EDIL3: variants seen among roughly 807,000 people sequenced by gnomAD.
The protein encoded by EDIL3 is EGF like and discoidin domains 3, also known as EGF-like repeat and discoidin I-like domain-containing protein 3.
Under a neutral mutation model 67.4 loss-of-function variants are expected in EDIL3, and 37 were observed. The ratio of observed to expected loss-of-function variants is 0.55; its 90% CI spans 0.42 to 0.72. The LOEUF (loss-of-function observed/expected upper bound fraction) is 0.72, where lower values mean the gene tolerates loss of function less well. EDIL3 is among the 30% of genes least tolerant of loss of function. The pLI is 0.00. For synonymous variants in EDIL3, 195 were observed against 196.3 expected (o/e 0.99, Z 0.05); for missense variants, 527 against 586.3 (o/e 0.90, Z 1.04).
In EDIL3 at chr5:84,149,607, A is replaced by T. The variant is rs1159018142; in HGVS notation, c.356-12253T>A. 3.9e-5 allele frequency among the ~76,000 whole-genome samples: 6 copies of T among 152,342 alleles called. No homozygotes were observed. The South Asian group carries it at 1.2e-3, about 32-fold the overall frequency. On this transcript the variant is annotated intron_variant, in intron 4 of 10. Transcript: ENST00000296591. ...GACTACAAAGTACTGAGCACTCAGCAAGATAAAATTCATGTCTGGAATCCA... is the reference window on the plus strand; with the variant it reads ...GACTACAAAGTACTGAGCACTCAGCTAGATAAAATTCATGTCTGGAATCCA...
At chr5:84,196,412 C>T (rs1047618621) in intron 3 of EDIL3, among the ~76,000 whole-genome samples, 3 of 151,980 alleles carry the variant, frequency 2.0e-5, no homozygotes, top group African/African-American at 7.2e-5. Flanking sequence ...AACCACAGTC[C>T]AATCCCAATA....
At chr5:84,175,384 GA>G (rs2112352579) in intron 4 of EDIL3, among the ~76,000 whole-genome samples, 1 of 152,086 alleles carries the variant, frequency 6.6e-6, no homozygotes, top group Admixed American at 6.5e-5. Context: ...TAAAGGAAGG[GA>G]AAAAAATAAA....
At chr5:84,255,503 T>C (rs986837054) in intron 1 of EDIL3, among the ~76,000 whole-genome samples, 4 of 152,092 alleles carry the variant, frequency 2.6e-5, no homozygotes, top group African/African-American at 9.7e-5. Flanking sequence ...ACCCATACAG[T>C]TTTAAAGGGA....
chr5:84,326,826 G>A (rs754197715), intron 1 of EDIL3, among the ~76,000 whole-genome samples: 4 of 150,630 alleles, frequency 2.7e-5, no homozygotes, highest in Admixed American at 6.6e-5. Flanking sequence ...TTCTCTCTTT[G>A]AGAAAATACA....
intron 1 of EDIL3, among the ~76,000 whole-genome samples, chr5:84,361,783 T>C (rs1049003877): frequency 6.6e-6 from 1 of 151,932 alleles, no homozygotes; most frequent in African/African-American, 2.4e-5. Context: ...CATACCAAAG[T>C]GCTGAACAAT....
intron 5 of EDIL3, among the ~76,000 whole-genome samples, chr5:84,116,854 T>C (rs907329788): frequency 2.6e-5 from 4 of 152,302 alleles, no homozygotes; most frequent in African/African-American, 9.6e-5. Context: ...CAGCTTTTCA[T>C]ACATTATCTC....
Position 84,056,531 on chromosome 5 carries a change from C to T in EDIL3, c.1137+3769G>A, listed in dbSNP as rs114207561. Among the ~76,000 whole-genome samples, 815 of 151,996 alleles carry T rather than the reference C, an allele frequency of 5.4e-3. 8 individuals carry two copies. The highest frequency in any genetic ancestry group is 0.019 in the African/African-American group (780 of 41,466). ...AATACATACGAATTCCCAAAGGACA[C>T]ATAAGAATTTCTTAAACTATATGAC... On this transcript the variant is annotated intron_variant, in intron 9 of 10. Transcript: ENST00000296591.
chr5:84,339,594 TA>T (rs1344966911), intron 1 of EDIL3, among the ~76,000 whole-genome samples: 2 of 124,262 alleles, frequency 1.6e-5, no homozygotes, highest in South Asian at 5.6e-4. Context: ...TACTGTGTTT[TA>T]AAATACTGTG....
intron 1 of EDIL3, among the ~76,000 whole-genome samples, chr5:84,277,665 C>T (rs1745608944): frequency 1.3e-5 from 2 of 152,106 alleles, no homozygotes; most frequent in Non-Finnish European, 2.9e-5. Flanking sequence ...TTTTAAGAAC[C>T]TACCTTTGCT....
chr5:84,058,823 T>C (rs1202018766), intron 9 of EDIL3, among the ~76,000 whole-genome samples: 1 of 152,222 alleles, frequency 6.6e-6, no homozygotes, highest in Non-Finnish European at 1.5e-5. Context: ...TGATGCTTTC[T>C]AGGTTCATCA....
At chr5:84,075,886 G>GCATGCA (rs1554066712) in intron 6 of EDIL3, among the ~76,000 whole-genome samples, 36 of 51,554 alleles carry the variant, frequency 7.0e-4, no homozygotes, top group Admixed American at 6.9e-3. Context: ...GCAAAAGTGT[G>GCATGCA]CACGCACACA....
At chr5:84,295,826 T>C (rs1746040950) in intron 1 of EDIL3, among the ~76,000 whole-genome samples, 1 of 152,170 alleles carries the variant, frequency 6.6e-6, no homozygotes. Context: ...GCATTTTGAA[T>C]ACCCAAAGAC....
chr5:84,384,516 T>A lies in EDIL3; in HGVS notation c.-142A>T. 1.3e-6 allele frequency: 1 copy of A among 757,146 alleles called. No individual in the cohort carries two copies. The highest frequency in any genetic ancestry group is 2.1e-6 in the Non-Finnish European group (1 of 472,686). 46.9% of individuals were successfully genotyped at this position (757,146 alleles called of 1,614,324 possible). ...ACGTTCTCTTTCCTCAGCGCTTTGT[T>A]AAACAAATTCTTGGAGAGGGCGAGA... On this transcript the variant is annotated 5_prime_UTR_variant, in exon 1 of 11. Transcript: ENST00000296591.
chr5:84,184,289 T>A (rs1749062559), intron 3 of EDIL3, among the ~76,000 whole-genome samples: 1 of 152,188 alleles, frequency 6.6e-6, no homozygotes, highest in Admixed American at 6.6e-5. Context: ...AAGAGCAAGA[T>A]GACCTAAATG....
At chr5:84,137,755 T>C (rs1318905086) in intron 4 of EDIL3, among the ~76,000 whole-genome samples, 8 of 152,226 alleles carry the variant, frequency 5.3e-5, no homozygotes, top group Non-Finnish European at 1.2e-4. Flanking sequence ...TAACACTGTC[T>C]CATTTCATCT....
chr5:84,203,218 A>G (rs898551653), intron 3 of EDIL3, among the ~76,000 whole-genome samples: 9 of 152,184 alleles, frequency 5.9e-5, no homozygotes, highest in Non-Finnish European at 1.3e-4. Flanking sequence ...AAAGCTGAAA[A>G]TTACTTCGTT....
intron 6 of EDIL3, among the ~76,000 whole-genome samples, chr5:84,104,615 G>A (rs1747425757): frequency 1.3e-5 from 2 of 151,724 alleles, no homozygotes; most frequent in South Asian, 2.1e-4. Context: ...ATCATCTTCA[G>A]ACCAAAAGCA....
chr5:83,975,644 G>T (rs1744865433), intron 9 of EDIL3, among the ~76,000 whole-genome samples: 1 of 151,810 alleles, frequency 6.6e-6, no homozygotes, highest in Admixed American at 6.6e-5. Flanking sequence ...AATCAGATGT[G>T]ACATCAACAG....
intron 4 of EDIL3, among the ~76,000 whole-genome samples, chr5:84,137,834 T>C (rs762484134): frequency 1.3e-5 from 2 of 152,206 alleles, no homozygotes; most frequent in Non-Finnish European, 2.9e-5. Flanking sequence ...ATGAATACGA[T>C]GAGAAGCAAA....
Sources: gnomAD v4.1 joint callset for allele counts (sites outside exome capture counted in the v4.1 genomes callset) on GRCh38, gnomAD v4.1.1 for gene constraint, MANE v1.5 for transcripts, NCBI Gene and HGNC (gene_info 2026-07-23, HGNC 2026-07-21) for gene names.